The following MLIP variants were observed in gnomAD, a reference collection of about 807,000 sequenced individuals.
MLIP encodes muscular LMNA interacting protein, also known as muscular LMNA-interacting protein.
Under a neutral mutation model 84.8 loss-of-function variants are expected in MLIP, and 79 were observed. The observed-to-expected ratio is 0.93, with a 90% CI of 0.78 to 1.12. The LOEUF is 1.12. MLIP is among the 50% of genes most tolerant of loss of function. The pLI, the probability that MLIP is intolerant of heterozygous loss-of-function variation, is 0.00. For missense variants in MLIP, 1,257 were observed against 1,160.6 expected, an observed-to-expected ratio of 1.08 and a Z score of -1.21; for synonymous variants, 504 against 463.0, an observed-to-expected ratio of 1.09 and a Z score of -1.14.
intron 4 of MLIP, among the ~76,000 whole-genome samples, chr6:54,146,737 A>G (rs1198782393): frequency 3.3e-5 from 5 of 152,186 alleles, no homozygotes; most frequent in Non-Finnish European, 7.4e-5. Context: ...TTTGTGTGCA[A>G]TAACAAGATA....
chr6:54,241,322 A>T (rs1781722447), intron 12 of MLIP, among the ~76,000 whole-genome samples: 1 of 151,836 alleles, frequency 6.6e-6, no homozygotes, highest in African/African-American at 2.4e-5. Flanking sequence ...ATATACTATA[A>T]TATAGTATAT....
chr6:54,151,165 T>G (rs992127870), intron 5 of MLIP, among the ~76,000 whole-genome samples: 1 of 152,144 alleles, frequency 6.6e-6, no homozygotes, highest in Non-Finnish European at 1.5e-5. Context: ...TAAGTGAATT[T>G]TTTTTTCTTT....
intron 12 of MLIP, among the ~76,000 whole-genome samples, chr6:54,241,318 T>C (rs1052097347): frequency 1.3e-5 from 2 of 151,926 alleles, no homozygotes; most frequent in East Asian, 3.9e-4. Context: ...GTATATATAC[T>C]ATAATATAGT....
chr6:54,103,708 T>A (rs1768813197), intron 1 of MLIP, among the ~76,000 whole-genome samples: 1 of 152,334 alleles, frequency 6.6e-6, no homozygotes, highest in Non-Finnish European at 1.5e-5. Flanking sequence ...TGTATTTCTA[T>A]AAAGTACAAA....
chr6:54,019,422 C>T (rs1268891825), intron 1 of MLIP, among the ~76,000 whole-genome samples: 5 of 152,048 alleles, frequency 3.3e-5, no homozygotes, highest in Non-Finnish European at 7.4e-5. Flanking sequence ...CGAAGCTTAG[C>T]GAGTGTTCAA....
chr6:54,214,021 A>C (rs576101278), intron 11 of MLIP, among the ~76,000 whole-genome samples: 1 of 152,132 alleles, frequency 6.6e-6, no homozygotes, highest in East Asian at 1.9e-4. Context: ...AGATAATCCT[A>C]TCTCTTTACA....
chr6:54,188,388 T>C (rs1317719704), intron 9 of MLIP, among the ~76,000 whole-genome samples: 1 of 152,144 alleles, frequency 6.6e-6, no homozygotes, highest in African/African-American at 2.4e-5. Context: ...CACAAATGCA[T>C]TTTACAGCTG....
chr6:54,265,533 T>G (rs568754887), intron 13 of MLIP, among the ~76,000 whole-genome samples: 20 of 152,288 alleles, frequency 1.3e-4, no homozygotes, highest in African/African-American at 4.6e-4. Flanking sequence ...CTATTCAGTT[T>G]ACCTCCTTGT....
At chr6:54,053,764 A>G (rs1765499574) in intron 1 of MLIP, among the ~76,000 whole-genome samples, 1 of 152,208 alleles carries the variant, frequency 6.6e-6, no homozygotes, top group African/African-American at 2.4e-5. Flanking sequence ...TCCTTGTTAC[A>G]ATTTTTATTT....
intron 4 of MLIP, among the ~76,000 whole-genome samples, chr6:54,141,305 A>G (rs1263856309): frequency 3.0e-5 from 3 of 100,968 alleles, no homozygotes; most frequent in African/African-American, 5.2e-5. Context: ...AATGCTGCTC[A>G]GCCTGCCTTT....
intron 10 of MLIP, among the ~76,000 whole-genome samples, chr6:54,193,298 C>G (rs1468666442): frequency 6.6e-6 from 1 of 152,140 alleles, no homozygotes; most frequent in Non-Finnish European, 1.5e-5. Context: ...AATAACGACT[C>G]TGTCAGCCTG....
intron 1 of MLIP, among the ~76,000 whole-genome samples, chr6:54,115,175 GGTGTGGTT>G (rs1347815654): frequency 2.0e-5 from 3 of 152,152 alleles, no homozygotes; most frequent in African/African-American, 7.2e-5. Flanking sequence ...GAGATCAGTA[GGTGTGGTT>G]GTGTGGTTTC....
chr6:54,136,879 G>C lies in MLIP; in HGVS notation c.810G>C (p.Val270=). ...HTRRLDVGGA[V]VEESATYFQT... ...GGAGGCTGGATGTCGGTGGGGCCGT[G>C]GTGGAAGAATCAGCTACGTATTTTC... The change falls in exon 4 of 14, where the codon GTG becomes GTC. Residue 270 remains valine, a synonymous_variant. Transcript: ENST00000502396. 6.5e-7 allele frequency: 1 copy of C among 1,535,210 alleles called. No individual in the cohort carries two copies.
chr6:54,256,244 A>G (rs530616243), intron 12 of MLIP, among the ~76,000 whole-genome samples: 1 of 152,286 alleles, frequency 6.6e-6, no homozygotes, highest in African/African-American at 2.4e-5. Context: ...GTTGGAACAA[A>G]GGGAAACCTG....
intron 12 of MLIP, 119 bp from the exon 13 acceptor site, chr6:54,257,189 T>G: frequency 1.4e-6 from 1 of 695,130 alleles, no homozygotes. Context: ...CTTGGTAGAA[T>G]CCACTGTTAT....
chr6:54,150,360 G>A (rs111989345), intron 5 of MLIP, among the ~76,000 whole-genome samples: 1,565 of 152,212 alleles, frequency 0.01, 33 homozygotes, highest in African/African-American at 0.035. Flanking sequence ...ACTAAAATAC[G>A]GATTTCAGGA....
At chr6:54,235,904 G>A (rs1280056692) in intron 12 of MLIP, among the ~76,000 whole-genome samples, 1 of 152,032 alleles carries the variant, frequency 6.6e-6, no homozygotes, top group Non-Finnish European at 1.5e-5. Context: ...TATAATACAT[G>A]GTTACATCCT....
chr6:54,094,510 T>G (rs1250355581), intron 1 of MLIP, among the ~76,000 whole-genome samples: 3 of 152,154 alleles, frequency 2.0e-5, no homozygotes, highest in Non-Finnish European at 4.4e-5. Flanking sequence ...CTCTTACTTG[T>G]GTGGGGCTTG....
chr6:54,022,903 C>CGG (rs1763577398), intron 1 of MLIP, among the ~76,000 whole-genome samples: 1 of 151,978 alleles, frequency 6.6e-6, no homozygotes. Context: ...CGCGGTGGCT[C>CGG]ATGCCTGTAA....
Sources: allele counts gnomAD v4.1 joint callset (sites outside exome capture counted in the v4.1 genomes callset), GRCh38; gene constraint gnomAD v4.1.1; transcripts MANE v1.5; gene names NCBI Gene and HGNC (gene_info 2026-07-23, HGNC 2026-07-21).